Variants in MEMO1 observed in about 807,000 individuals in gnomAD.
The protein encoded by MEMO1 is protein MEMO1.
MEMO1 carries 6 observed loss-of-function variants against 45.2 expected under a neutral mutation model. The ratio of observed to expected loss-of-function variants is 0.13; its 90% confidence interval spans 0.07 to 0.26. The LOEUF is 0.26. MEMO1 is among the 10% of genes least tolerant of loss of function. MEMO1 has a pLI of 1.00. For missense variants in MEMO1, 184 were observed against 370.5 expected, an observed-to-expected ratio of 0.50 and a Z score of 4.13; for synonymous variants, 78 against 124.3, an observed-to-expected ratio of 0.63 and a Z score of 2.48.
chr2:31,904,771 G>A (rs941888608), intron 6 of MEMO1, among the ~76,000 whole-genome samples: 3 of 152,182 alleles, frequency 2.0e-5, no homozygotes, highest in African/African-American at 7.2e-5. Context: ...TCAAACAGGT[G>A]TTAAAGGCAA....
intron 2 of MEMO1, among the ~76,000 whole-genome samples, chr2:31,997,923 G>A (rs905393536): frequency 6.6e-6 from 1 of 152,206 alleles, no homozygotes; most frequent in Non-Finnish European, 1.5e-5. Flanking sequence ...TGGCTAAGAC[G>A]AGAATGGCTT....
intron 6 of MEMO1, among the ~76,000 whole-genome samples, chr2:31,912,670 CTT>C (rs371013109): frequency 9.3e-4 from 141 of 152,084 alleles, no homozygotes; most frequent in African/African-American, 3.2e-3. Context: ...GATATGATCT[CTT>C]GTTTATATAT....
intron 2 of MEMO1, among the ~76,000 whole-genome samples, chr2:31,988,773 G>A (rs1671584146): frequency 1.3e-5 from 2 of 152,132 alleles, no homozygotes; most frequent in African/African-American, 4.8e-5. Context: ...GCACTTAAAT[G>A]GGTAGAAAGA....
At chr2:31,998,448 AC>A (rs946367650) in intron 2 of MEMO1, among the ~76,000 whole-genome samples, 3 of 151,964 alleles carry the variant, frequency 2.0e-5, no homozygotes, top group Admixed American at 2.0e-4. Context: ...TGGTCACTGA[AC>A]CTCTTTTGTC....
intron 6 of MEMO1, among the ~76,000 whole-genome samples, chr2:31,903,049 A>C (rs945137588): frequency 1.3e-5 from 2 of 152,154 alleles, no homozygotes; most frequent in African/African-American, 4.8e-5. Context: ...TAAAATTTTA[A>C]ATTTGTTTAA....
chr2:31,992,845 G>A (rs1046944113), intron 2 of MEMO1, among the ~76,000 whole-genome samples: 11 of 151,696 alleles, frequency 7.3e-5, no homozygotes, highest in Non-Finnish European at 2.9e-5. Flanking sequence ...ATTAAATGGG[G>A]AACACCCAGA....
intron 6 of MEMO1, among the ~76,000 whole-genome samples, chr2:31,904,558 A>T (rs1679389176): frequency 1.3e-5 from 2 of 152,214 alleles, no homozygotes; most frequent in Admixed American, 1.3e-4. Flanking sequence ...TAGATCCCTC[A>T]CATGTGCAGT....
chr2:31,989,748 T>TA (rs1323477275), intron 2 of MEMO1, among the ~76,000 whole-genome samples: 4 of 152,208 alleles, frequency 2.6e-5, no homozygotes, highest in African/African-American at 4.8e-5. Flanking sequence ...TGATTTTTTT[T>TA]AAAAAAGGAA....
intron 8 of MEMO1, among the ~76,000 whole-genome samples, chr2:31,870,640 G>A (rs193101997): frequency 1.6e-4 from 25 of 152,140 alleles, no homozygotes; most frequent in African/African-American, 3.9e-4. Flanking sequence ...GCAGTGGTGC[G>A]ATCTCAGCTC....
Position 31,883,373 on chromosome 2 carries a change from C to G in MEMO1, c.657+13G>C. ...GCCTTAGAGCATTAAAATCCCACAC[C>G]TGAAAGACTTACCATTTTATCTAGA... is the stretch of plus-strand genomic sequence containing the variant. On this transcript the variant is annotated intron_variant, in intron 8 of 9. Coordinates refer to ENST00000404530, the MANE Select transcript of MEMO1 (RefSeq NM_001301833.4). The G allele has an allele frequency of 6.4e-7, 1 of 1,552,514 alleles. No homozygotes were observed. The highest frequency in any genetic ancestry group is 1.2e-5 in the South Asian group (1 of 81,476).
intron 2 of MEMO1, among the ~76,000 whole-genome samples, chr2:31,979,386 T>A (rs551056247): frequency 2.0e-5 from 3 of 152,378 alleles, no homozygotes; most frequent in African/African-American, 7.2e-5. Context: ...ATGCAAGAGC[T>A]ATCCCTAATG....
At chr2:31,907,718 G>C (rs565420910) in intron 6 of MEMO1, among the ~76,000 whole-genome samples, 1 of 151,820 alleles carries the variant, frequency 6.6e-6, no homozygotes, top group Non-Finnish European at 1.5e-5. Context: ...ACTTGAGCAC[G>C]GGAGGTGGAA....
At chr2:31,999,107 A>G (rs1388614754) in intron 2 of MEMO1, among the ~76,000 whole-genome samples, 1 of 152,062 alleles carries the variant, frequency 6.6e-6, no homozygotes, top group Non-Finnish European at 1.5e-5. Flanking sequence ...AAATCCTCTC[A>G]GCTCTATCTT....
chr2:31,897,451 CT>C (rs1678027676), intron 6 of MEMO1, among the ~76,000 whole-genome samples: 1 of 152,072 alleles, frequency 6.6e-6, no homozygotes, highest in Admixed American at 6.5e-5. Flanking sequence ...TATCAAAGGC[CT>C]TTTCTGCATG....
intron 6 of MEMO1, among the ~76,000 whole-genome samples, chr2:31,892,511 T>A (rs1205472806): frequency 3.9e-5 from 6 of 152,166 alleles, no homozygotes; most frequent in Non-Finnish European, 1.5e-5. Flanking sequence ...CAAATCCTTC[T>A]GTGATTATAA....
chr2:31,872,619 C>A (rs759586834), intron 8 of MEMO1, among the ~76,000 whole-genome samples: 7 of 151,916 alleles, frequency 4.6e-5, no homozygotes, highest in Non-Finnish European at 1.0e-4. Flanking sequence ...AGAAAAAATA[C>A]TACTAAGTAA....
In MEMO1 at chr2:31,920,847, A is replaced by G; in HGVS notation, c.276T>C (p.Ser92=). The change falls in exon 5 of 10, where the codon AGT becomes AGC. Residue 92 remains serine (S), a synonymous_variant. Transcript: ENST00000404530. ...ACAGAGGTGTCCTATATATATCCACACTGGAAAGTGCACATCGAGAGAGGG... is the reference window on the plus strand; with the variant it reads ...ACAGAGGTGTCCTATATATATCCACGCTGGAAAGTGCACATCGAGAGAGGG... ...HVPLSRCALS[S]VDIYRTPLYD... 1 of 1,612,240 alleles carries G rather than the reference A, an allele frequency of 6.2e-7. No homozygotes were observed. The highest frequency in any genetic ancestry group is 1.1e-5 in the South Asian group (1 of 90,962).
At chr2:31,879,825 A>C (rs571213376) in intron 8 of MEMO1, among the ~76,000 whole-genome samples, 1 of 152,320 alleles carries the variant, frequency 6.6e-6, no homozygotes, top group East Asian at 1.9e-4. Flanking sequence ...AGTATCAAAA[A>C]GTGCAGTTCT....
chr2:31,921,447 C>A (rs968196132), intron 4 of MEMO1, among the ~76,000 whole-genome samples: 1 of 152,128 alleles, frequency 6.6e-6, no homozygotes, highest in Admixed American at 6.6e-5. Flanking sequence ...TTAAGAGAAT[C>A]ATATTCAATA....
Sources: gnomAD v4.1 joint callset for allele counts (sites outside exome capture counted in the v4.1 genomes callset) on GRCh38, gnomAD v4.1.1 for gene constraint, MANE v1.5 for transcripts, NCBI Gene and HGNC (gene_info 2026-07-23, HGNC 2026-07-21) for gene names.